LAMA5: variants seen among roughly 807,000 people sequenced by gnomAD.
The protein encoded by LAMA5 is laminin subunit alpha-5.
LAMA5 carries 260 observed loss-of-function variants against 433.4 expected under a neutral mutation model. The observed-to-expected ratio is 0.60, with a 90% CI of 0.54 to 0.66. LAMA5 has a LOEUF of 0.66. LAMA5 is among the 30% of genes least tolerant of loss of function. LAMA5 has a pLI of 0.00. For synonymous variants in LAMA5, 2,620 were observed against 2,226.6 expected, an observed-to-expected ratio of 1.18 and a Z score of -4.97; for missense variants, 5,378 against 5,258.5, an observed-to-expected ratio of 1.02 and a Z score of -0.70.
intron 31 of LAMA5, 42 bp downstream of exon 31, chr20:62,330,446 T>C (rs535422892): frequency 1.3e-6 from 2 of 1,487,998 alleles, no homozygotes; most frequent in African/African-American, 1.4e-5. Context: ...TCCAGCCTCA[T>C]CGTGTGTGGT....
Position 62,362,503 on chromosome 20 carries a change from G to C in LAMA5, c.347C>G (p.Pro116Arg). The stretch of plus-strand genomic sequence containing the variant: ...CGTGCCATCGATGGCATTGCTCGCG[G>C]GGTGTGCCTTGTTGCTGTTGGCAGC... ...CTAANSNKAHPASNAIDGTER... is the reference protein window; with the variant it reads ...CTAANSNKAHRASNAIDGTER... Residue 116 changes from proline (P) to arginine (R), a missense_variant, in exon 2 of 80, where the codon CCC (proline) becomes CGC (arginine). By Grantham distance (103) the Pro-to-Arg change is moderately radical. Transcript: ENST00000252999. The C allele has an allele frequency of 6.2e-7, 1 of 1,604,776 alleles. No homozygotes were observed. Among genetic ancestry groups the C allele is most frequent in the Non-Finnish European group, 8.5e-7 (1 of 1,175,204 alleles).
In LAMA5 at chr20:62,329,037, C is replaced by G; in HGVS notation, c.4254G>C (p.Leu1418=). ...GGGAAGCAGCAGCGTTTCGGCAGAA[C>G]AGGGATGAGCTGCTGGGGCTACATG... ...GYHISPSSSS[L]FCRNAAASLS... is the part of the protein sequence containing the mutation. The change falls in exon 34 of 80, where the codon CTG becomes CTC. Residue 1418 remains leucine (L), a synonymous_variant. Coordinates refer to ENST00000252999, the MANE Select transcript of LAMA5 (RefSeq NM_005560.6). The G allele has an allele frequency of 6.2e-7, 1 of 1,612,754 alleles. No individual in the cohort carries two copies. Among genetic ancestry groups the G allele is most frequent in the Non-Finnish European group, 8.5e-7 (1 of 1,179,912 alleles).
At chr20:62,313,576 G>A (rs1251551694) in intron 63 of LAMA5, 73 bp downstream of exon 63, 12 of 1,583,164 alleles carry the variant, frequency 7.6e-6, no homozygotes, top group African/African-American at 2.7e-5. Context: ...AAAAGAACCC[G>A]CGGCTCTCCA....
At position 62,332,486 on chromosome 20, in the gene LAMA5, G is replaced by C. The variant is rs1441707776; in HGVS notation, c.3444-6C>G. On this transcript the variant is annotated splice_region_variant and splice_polypyrimidine_tract_variant and intron_variant, in intron 27 of 79. Coordinates refer to ENST00000252999, the MANE Select transcript of LAMA5 (RefSeq NM_005560.6). The stretch of plus-strand genomic sequence containing the variant: ...CAGTGCCCCGGCACAGGGTGCTGTG[G>C]GGGGAGGGTGGTCAGCAGGTGGGGC... The C allele has an allele frequency of 6.2e-7, 1 of 1,611,568 alleles. No homozygotes were observed. Among genetic ancestry groups the C allele is most frequent in the African/African-American group, 1.3e-5 (1 of 75,020 alleles).
rs1986163800 is a variant in LAMA5, at chr20:62,310,723, T to TGGG, written c.10385_10387dup (p.Pro3462dup). On this transcript the variant is annotated inframe_insertion, in exon 75 of 80. Coordinates refer to ENST00000252999, the MANE Select transcript of LAMA5 (RefSeq NM_005560.6). ...GCCGCCCACAAAGAGGGTGTGGGGC[T>TGGG]GGGGGTGCTCTGCCCCCTGGTGCTG... The TGGG allele has an allele frequency of 6.3e-7, 1 of 1,595,030 alleles. No individual in the cohort carries two copies. The highest frequency in any genetic ancestry group is 1.3e-5 in the African/African-American group (1 of 74,682).
In LAMA5 at chr20:62,322,409, G is replaced by A. The variant is rs201193135; in HGVS notation, c.6206C>T (p.Pro2069Leu). 374 of 1,593,668 alleles carry A rather than the reference G, an allele frequency of 2.3e-4. No individual in the cohort carries two copies. Among genetic ancestry groups the A allele is most frequent in the Non-Finnish European group, 2.8e-4 (333 of 1,171,150 alleles). ...FGFDGCGGCR[P>L]CACGPAAEGS... Reference sequence around the variant, plus strand: ...CTCGGCGGCCGGTCCACAAGCACACGGGCGGCAGCCCCCGCAGCCATCGAA... The same window carrying A: ...CTCGGCGGCCGGTCCACAAGCACACAGGCGGCAGCCCCCGCAGCCATCGAA... The change falls in exon 47 of 80, where the codon CCG becomes CTG. Residue 2069 changes from proline (P) to leucine (L), a missense_variant. Pro to Leu is a moderately conservative substitution (Grantham distance 98, BLOSUM62 -3). Transcript: ENST00000252999.
intron 17 of LAMA5, 79 bp from the exon 18 acceptor site, chr20:62,336,524 C>CAAGGGGTGGT (rs1222649560): frequency 7.4e-7 from 1 of 1,353,278 alleles, no homozygotes; most frequent in African/African-American, 1.4e-5. Context: ...AGAGCCCTGA[C>CAAGGGGTGGT]AAGGGGTGGT....
At chr20:62,366,013 C>G (rs1006288721) in intron 1 of LAMA5, among the ~76,000 whole-genome samples, 3 of 152,222 alleles carry the variant, frequency 2.0e-5, no homozygotes, top group African/African-American at 7.2e-5. Context: ...CGCCCCTGCC[C>G]CAGCCTCTCC....
rs183227892 is a variant in LAMA5, at chr20:62,312,990, G to A, written c.8976C>T (p.Ala2992=). Residue 2992 remains alanine, a synonymous_variant, in exon 66 of 80, where the codon GCC becomes GCT. Coordinates refer to ENST00000252999, the MANE Select transcript of LAMA5 (RefSeq NM_005560.6). ...ACAGCACGAGGCTGCCTTCTTGCAC[G>A]GCCAAGCACAGGAACTGGCTCTGCA... ...LKQQSQFLCL[A]VQEGSLVLLY... 1.1e-4 allele frequency: 171 copies of A among 1,580,042 alleles called. 1 individual carries two copies. Among genetic ancestry groups the A allele is most frequent in the African/African-American group, 8.5e-4 (63 of 74,476 alleles).
chr20:62,333,218 G>A lies in LAMA5; in HGVS notation c.3154C>T (p.Leu1052=), dbSNP rs756386272. The change falls in exon 26 of 80, where the codon CTG becomes TTG. Residue 1052 remains leucine, a synonymous_variant. Transcript: ENST00000252999. ...CCGGCGGCCGAGGGGAAGCCATCCA[G>A]GGGGAGGTGTGTGTAGAGGAGGCAG... ...DNCLLYTHLP[L]DGFPSAAGLE... is the part of the protein sequence containing the mutation. The A allele has an allele frequency of 1.1e-5, 17 of 1,530,498 alleles. No individual in the cohort carries two copies. In the East Asian group the frequency reaches 3.4e-4, roughly 31 times the overall value. The allele number at this position is 1,530,498 out of a possible 1,614,324, so 94.8% of individuals were successfully genotyped here. A position where few individuals can be genotyped will look rare whatever the true frequency, so the allele number is the denominator to read the frequency against.
At chr20:62,350,422 C>T (rs890044342) in intron 6 of LAMA5, among the ~76,000 whole-genome samples, 1 of 152,156 alleles carries the variant, frequency 6.6e-6, no homozygotes, top group African/African-American at 2.4e-5. Context: ...TCAGACCCAC[C>T]AGCCACATCC....
Position 62,311,423 on chromosome 20 carries a change from C to T in LAMA5, c.9920G>A (p.Gly3307Glu). The T allele has an allele frequency of 1.9e-6, 3 of 1,586,516 alleles. No homozygotes were observed. Among genetic ancestry groups the T allele is most frequent in the Non-Finnish European group, 2.6e-6 (3 of 1,166,490 alleles). The change falls in exon 72 of 80, where the codon GGA becomes GAA. Residue 3307 changes from glycine to glutamate, a missense_variant. Coordinates refer to ENST00000252999, the MANE Select transcript of LAMA5 (RefSeq NM_005560.6). ...QAQTPGLGPRGLQATARKASR... is the reference protein window; with the variant it reads ...QAQTPGLGPRELQATARKASR... Reference sequence around the variant, plus strand: ...CACCTTCCGGGCGGTGGCCTGCAGTCCTCTAGGCCCCAGGCCCGGGGTCTG... The same window carrying T: ...CACCTTCCGGGCGGTGGCCTGCAGTTCTCTAGGCCCCAGGCCCGGGGTCTG...
chr20:62,351,856 C>T, intron 5 of LAMA5, 53 bp downstream of exon 5: 3 of 1,575,086 alleles, frequency 1.9e-6, no homozygotes, highest in Non-Finnish European at 2.6e-6. Context: ...CACCCTGAGT[C>T]CCGGGTCCAC....
At chr20:62,344,507 TG>T (rs1476888757) in intron 11 of LAMA5, among the ~76,000 whole-genome samples, 2 of 152,066 alleles carry the variant, frequency 1.3e-5, no homozygotes, top group African/African-American at 4.8e-5. Flanking sequence ...TCACCTAGGC[TG>T]GAGTGTGATG....
intron 26 of LAMA5, 140 bp downstream of exon 26, chr20:62,332,950 A>AGGAGGCC: frequency 8.6e-7 from 1 of 1,159,006 alleles, no homozygotes; most frequent in Non-Finnish European, 1.2e-6. Context: ...GGCAGGAGGC[A>AGGAGGCC]GGGGCGCCCT....
rs1980604986 is a variant in LAMA5, at chr20:62,332,247, T to C, written c.3552+125A>G. 7.4e-6 allele frequency: 5 copies of C among 679,476 alleles called. No individual in the cohort carries two copies. In the South Asian group the frequency reaches 8.7e-5, roughly 12 times the overall value. The allele number at this position is 679,476 out of a possible 1,614,324, so 42.1% of individuals were successfully genotyped here. On this transcript the variant is annotated intron_variant, in intron 28 of 79. Coordinates refer to ENST00000252999, the MANE Select transcript of LAMA5 (RefSeq NM_005560.6). Reference sequence around the variant, plus strand: ...GGGTTCCAGAAGAAACATGCTGGGCTGGGCATGAGCGAGTGTGGCCGCCTT... The same window carrying C: ...GGGTTCCAGAAGAAACATGCTGGGCCGGGCATGAGCGAGTGTGGCCGCCTT...
intron 9 of LAMA5, 40 bp from the exon 10 acceptor site, chr20:62,346,255 G>A (rs1260602213): frequency 3.1e-6 from 5 of 1,588,980 alleles, no homozygotes; most frequent in Non-Finnish European, 4.3e-6. Flanking sequence ...GGAGCTACCA[G>A]GACTCAAGGG....
chr20:62,366,640 G>A (rs1175030473), intron 1 of LAMA5, among the ~76,000 whole-genome samples: 1 of 152,218 alleles, frequency 6.6e-6, no homozygotes, highest in African/African-American at 2.4e-5. Flanking sequence ...CCGGGATCCC[G>A]GACTTGGGGC....
chr20:62,352,291 G>C lies in LAMA5; in HGVS notation c.638C>G (p.Ala213Gly). ...TLERITRDDA[A>G]ICTTEYSRIV... is the part of the protein sequence containing the mutation. Reference sequence around the variant, plus strand: ...GCGTGAGTACTCGGTGGTGCAGATGGCCGCGTCGTCCCGTGTGATGCGCTC... The same window carrying C: ...GCGTGAGTACTCGGTGGTGCAGATGCCCGCGTCGTCCCGTGTGATGCGCTC... Residue 213 changes from alanine (A) to glycine (G), a missense_variant, in exon 4 of 80, where the codon GCC becomes GGC. Ala to Gly is a moderately conservative substitution (Grantham distance 60). Coordinates refer to ENST00000252999, the MANE Select transcript of LAMA5 (RefSeq NM_005560.6). 1.2e-6 allele frequency: 2 copies of C among 1,600,454 alleles called. No homozygotes were observed. The highest frequency in any genetic ancestry group is 4.5e-5 in the East Asian group (2 of 44,860).
Sources: allele counts gnomAD v4.1 joint callset (sites outside exome capture counted in the v4.1 genomes callset), GRCh38; gene constraint gnomAD v4.1.1; transcripts MANE v1.5; gene names NCBI Gene and HGNC (gene_info 2026-07-23, HGNC 2026-07-21).